The following DAPK2 variants were observed in gnomAD, a reference collection of about 807,000 sequenced individuals.
DAPK2 encodes the protein death-associated protein kinase 2.
A neutral mutation model predicts 44.1 loss-of-function variants in DAPK2; 35 were observed. The observed-to-expected ratio is 0.79, with a 90% confidence interval of 0.61 to 1.05. The LOEUF (loss-of-function observed/expected upper bound fraction) is 1.05, where lower values mean the gene tolerates loss of function less well. DAPK2 is among the 50% of genes least tolerant of loss of function. DAPK2 has a pLI of 0.00. For synonymous variants in DAPK2, 174 were observed against 182.6 expected (o/e 0.95, Z 0.38); for missense variants, 453 against 483.2 (o/e 0.94, Z 0.59).
intron 1 of DAPK2, among the ~76,000 whole-genome samples, chr15:64,028,527 T>A (rs1381645159): frequency 6.6e-6 from 1 of 152,192 alleles, no homozygotes; most frequent in Non-Finnish European, 1.5e-5. Flanking sequence ...TAAAGAACAC[T>A]AATAAGAAAA....
At chr15:63,992,362 C>T (rs992465959) in intron 1 of DAPK2, among the ~76,000 whole-genome samples, 11 of 152,096 alleles carry the variant, frequency 7.2e-5, no homozygotes, top group African/African-American at 2.7e-4. Context: ...CACCCACCTG[C>T]CCATGTACTC....
chr15:63,922,839 A>G (rs910986402), intron 8 of DAPK2: 1 of 1,535,684 alleles, frequency 6.5e-7, no homozygotes, highest in Non-Finnish European at 8.7e-7. Context: ...AGGCCCTCAG[A>G]GCTCCCACTC....
chr15:63,967,023 CA>C (rs570248091), intron 3 of DAPK2, among the ~76,000 whole-genome samples: 1 of 151,702 alleles, frequency 6.6e-6, no homozygotes, highest in African/African-American at 2.4e-5. Flanking sequence ...ACTAAAAATA[CA>C]AAAAAATTAG....
At chr15:63,977,759 T>A (rs1048802673) in intron 2 of DAPK2, among the ~76,000 whole-genome samples, 3 of 152,216 alleles carry the variant, frequency 2.0e-5, no homozygotes, top group Non-Finnish European at 2.9e-5. Flanking sequence ...CATTCTCAGA[T>A]GAGAAAACTG....
At chr15:64,010,486 G>A (rs1480749703) in intron 1 of DAPK2, among the ~76,000 whole-genome samples, 3 of 152,122 alleles carry the variant, frequency 2.0e-5, no homozygotes, top group Admixed American at 2.0e-4. Context: ...ATGGGGATCC[G>A]CATTCTTGGC....
intron 3 of DAPK2, among the ~76,000 whole-genome samples, chr15:63,948,048 A>C (rs2077493630): frequency 6.6e-6 from 1 of 152,056 alleles, no homozygotes; most frequent in South Asian, 2.1e-4. Context: ...TGGGCAAAGC[A>C]CCTGAGGTCG....
At chr15:63,983,859 G>T in intron 1 of DAPK2, 105 bp from the exon 3 acceptor site, 2 of 1,156,662 alleles carry the variant, frequency 1.7e-6, no homozygotes, top group Non-Finnish European at 2.5e-6. Context: ...ATTCTGCCAG[G>T]ACAGGACAAA....
chr15:64,012,204 T>C (rs964088934), intron 1 of DAPK2, among the ~76,000 whole-genome samples: 7 of 152,196 alleles, frequency 4.6e-5, no homozygotes, highest in Non-Finnish European at 8.8e-5. Flanking sequence ...CATTAACCAC[T>C]GAGAGGCTGG....
intron 1 of DAPK2, among the ~76,000 whole-genome samples, chr15:63,997,120 TCTC>T (rs759630328): frequency 2.0e-5 from 3 of 152,022 alleles, no homozygotes; most frequent in Non-Finnish European, 4.4e-5. Context: ...AACTGTGCCA[TCTC>T]CTCTGTCATC....
At chr15:64,044,208 A>G (rs1001236507), upstream of DAPK2, among the ~76,000 whole-genome samples, 2 of 152,122 alleles carry the variant, frequency 1.3e-5, no homozygotes. Context: ...TCAGCTCCAG[A>G]TGCTCCCAGG....
At chr15:64,040,462 T>C (rs2080322777), upstream of DAPK2, among the ~76,000 whole-genome samples, 1 of 152,196 alleles carries the variant, frequency 6.6e-6, no homozygotes, top group Non-Finnish European at 1.5e-5. Context: ...ATTTGATTTA[T>C]ACGAATTCAA....
At position 63,912,217 on chromosome 15, in the gene DAPK2, A is replaced by G; in HGVS notation, c.859-20T>C. On this transcript the variant is annotated intron_variant, in intron 8 of 10. Coordinates refer to ENST00000261891, the Ensembl canonical transcript of DAPK2. The surrounding 1 kb of genome is among the most constrained non-coding windows in gnomAD (Gnocchi z 4.4). Reference sequence around the variant, plus strand: ...CACCGGCTGAGAGACAAAGCAGAGCATGGCAGCTGATGCTGGGCTTCAGAC... The same window carrying G: ...CACCGGCTGAGAGACAAAGCAGAGCGTGGCAGCTGATGCTGGGCTTCAGAC... 5 of 1,612,764 alleles carry G rather than the reference A, an allele frequency of 3.1e-6. No homozygotes were observed. The highest frequency in any genetic ancestry group is 1.3e-5 in the African/African-American group (1 of 75,018).
Position 63,959,147 on chromosome 15 carries a change from T to C in DAPK2, c.453+12276A>G, listed in dbSNP as rs150841898. Among the ~76,000 whole-genome samples the C allele has an allele frequency of 1.9e-4, 29 of 152,338 alleles. No homozygotes were observed. In the East Asian group the frequency reaches 5.2e-3, roughly 27 times the overall value. On this transcript the variant is annotated intron_variant, in intron 3 of 10. Coordinates refer to ENST00000261891, the Ensembl canonical transcript of DAPK2. Reference sequence around the variant, plus strand: ...AATGGGAGTTCACTTGTGATTTGGTTCTCTGTTTGTCTATTATTTGTGTAC... The same window carrying C: ...AATGGGAGTTCACTTGTGATTTGGTCCTCTGTTTGTCTATTATTTGTGTAC...
rs184812045 is a variant in DAPK2 at position 63,957,448 on chromosome 15, C to A, written c.453+13975G>T. Among the ~76,000 whole-genome samples the A allele has an allele frequency of 2.0e-5, 3 of 152,062 alleles. No individual in the cohort carries two copies. In the East Asian group the frequency reaches 5.8e-4, roughly 29 times the overall value. On this transcript the variant is annotated intron_variant, in intron 3 of 10. Coordinates refer to ENST00000261891, the Ensembl canonical transcript of DAPK2. ...TGTATACATGTGCCATGTTGGTATGCTGCACCCGTTAACTCGTCATTTACA... is the reference window on the plus strand; with the variant it reads ...TGTATACATGTGCCATGTTGGTATGATGCACCCGTTAACTCGTCATTTACA...
At position 63,912,212 on chromosome 15, in the gene DAPK2, A is replaced by G; in HGVS notation, c.859-15T>C. The G allele has an allele frequency of 6.2e-7, 1 of 1,613,532 alleles. No homozygotes were observed. Among genetic ancestry groups the G allele is most frequent in the Non-Finnish European group, 8.5e-7 (1 of 1,179,786 alleles). On this transcript the variant is annotated splice_polypyrimidine_tract_variant and intron_variant, in intron 8 of 10. Transcript: ENST00000261891. This position sits in a 1 kb window ranked among gnomAD's most constrained non-coding sequence, Gnocchi z 4.4. ...TTGTCCACCGGCTGAGAGACAAAGCAGAGCATGGCAGCTGATGCTGGGCTT... is the reference window on the plus strand; with the variant it reads ...TTGTCCACCGGCTGAGAGACAAAGCGGAGCATGGCAGCTGATGCTGGGCTT...
chr15:63,927,718 T>C (rs1376767784), intron 6 of DAPK2, among the ~76,000 whole-genome samples: 8 of 150,652 alleles, frequency 5.3e-5, no homozygotes, highest in African/African-American at 2.0e-4. Context: ...AAGAAGACTA[T>C]GTGCTCAGTA....
chr15:63,994,987 A>G (rs1330107912), intron 1 of DAPK2, among the ~76,000 whole-genome samples: 1 of 152,068 alleles, frequency 6.6e-6, no homozygotes, highest in Non-Finnish European at 1.5e-5. Flanking sequence ...GATCATTAAC[A>G]TCTCCTCATA....
At position 64,036,317 on chromosome 15, in the gene DAPK2, A is replaced by ATATG. The variant is rs1555484538; in HGVS notation, c.92+3852_92+3853insCATA. 1.2e-4 allele frequency among the ~76,000 whole-genome samples: 12 copies of ATATG among 102,248 alleles called. 1 individual carries two copies. The highest frequency in any genetic ancestry group is 4.2e-4 in the African/African-American group (12 of 28,502). The allele number at this position is 102,248 out of a possible 152,430, so 67.1% of individuals were successfully genotyped here. A position where few individuals can be genotyped will look rare whatever the true frequency, so the allele number is the denominator to read the frequency against. The stretch of plus-strand genomic sequence containing the variant: ...TGTGTGTGTGTGTGTGTGTATATAT[A>ATATG]TGTATATATATATATATATACATAT... On this transcript the variant is annotated intron_variant, in intron 1 of 10. Transcript: ENST00000261891.
Position 63,966,158 on chromosome 15 carries a change from G to C in DAPK2, c.453+5265C>G, listed in dbSNP as rs1261975393. On this transcript the variant is annotated intron_variant, in intron 3 of 10. Coordinates refer to ENST00000261891, the Ensembl canonical transcript of DAPK2. This position sits in a 1 kb window ranked among gnomAD's most constrained non-coding sequence, Gnocchi z 5.5. ...AGTCAGCAGGTGATGAATCCTGCCA[G>C]GACTGGGTCCTTCCCTTCAAGGCAG... Among the ~76,000 whole-genome samples, 3 of 152,196 alleles carry C rather than the reference G, an allele frequency of 2.0e-5. No homozygotes were observed. The highest frequency in any genetic ancestry group is 7.2e-5 in the African/African-American group (3 of 41,438).
Sources: gnomAD v4.1 joint callset for allele counts (sites outside exome capture counted in the v4.1 genomes callset) on GRCh38, gnomAD v4.1.1 for gene constraint, Gnocchi (gnomAD v3.1) non-coding constraint, MANE v1.5 for transcripts, NCBI Gene and HGNC (gene_info 2026-07-23, HGNC 2026-07-21) for gene names.